The following IDE variants were observed in gnomAD, a reference collection of about 807,000 sequenced individuals.
IDE encodes insulin degrading enzyme, also known as insulin-degrading enzyme.
In IDE, 58 loss-of-function variants were observed where a neutral mutation model predicts 133.2. That is an observed-to-expected ratio of 0.44 (90% confidence interval 0.35 to 0.54). The LOEUF (loss-of-function observed/expected upper bound fraction) is 0.54, where lower values mean the gene tolerates loss of function less well. IDE is among the 20% of genes least tolerant of loss of function. The probability of loss-of-function intolerance (pLI) is 0.00; values close to 1 mark genes in which losing one functional copy is unlikely to be tolerated. For synonymous variants in IDE, 396 were observed against 421.3 expected (o/e 0.94, Z 0.73); for missense variants, 981 against 1,234.0 (o/e 0.79, Z 3.07).
chr10:92,524,332 A>C, intron 4 of IDE, among the ~76,000 whole-genome samples: 1 of 73,876 alleles, frequency 1.4e-5, no homozygotes, highest in Non-Finnish European at 2.4e-5. Context: ...ATATTATTAT[A>C]TATATTATAT....
At chr10:92,535,303 C>T (rs1301956595) in intron 2 of IDE, among the ~76,000 whole-genome samples, 1 of 152,106 alleles carries the variant, frequency 6.6e-6, no homozygotes, top group African/African-American at 2.4e-5. Context: ...CGGGGTTTCA[C>T]CGTGTTAGCC....
In IDE at chr10:92,504,810, TGA is replaced by T. The variant is rs753329397; in HGVS notation, c.1412_1413del (p.Leu471GlnfsTer12). 6.3e-6 allele frequency: 10 copies of T among 1,580,782 alleles called. No individual in the cohort carries two copies. The highest frequency in any genetic ancestry group is 8.7e-7 in the Non-Finnish European group (1 of 1,153,330). Reference protein sequence around the residue: ...PDLIEMVLDKLRPENVRVAIV... With the variant: ...PDLIEMVLDKXRPENVRVAIV... ...GTGACTCACCGGACATTTTCTGGTC[TGA>T]GTTTATCGAGAACCATCTCTATTAA... On this transcript the variant is annotated frameshift_variant, in exon 11 of 25. Transcript: ENST00000265986. LOFTEE classifies it high-confidence loss of function.
chr10:92,534,728 A>G lies in IDE; in HGVS notation c.341T>C (p.Leu114Pro), dbSNP rs1841902402. 6.2e-7 allele frequency: 1 copy of G among 1,613,860 alleles called. No individual in the cohort carries two copies. Among genetic ancestry groups the G allele is most frequent in the African/African-American group, 1.3e-5 (1 of 74,936 alleles). Reference sequence around the variant, plus strand: ...AGGGTATTTCTTTGTTCCCAAAAAAAGCATATGTTCACAAAAATGACTTAA... The same window carrying G: ...AGGGTATTTCTTTGTTCCCAAAAAAGGCATATGTTCACAAAAATGACTTAA... ...AGLSHFCEHM[L>P]FLGTKKYPKE... Residue 114 changes from leucine (L) to proline (P), a missense_variant, in exon 3 of 25, where the codon CTT becomes CCT. Leu to Pro is a moderately conservative substitution (Grantham distance 98, BLOSUM62 -3). Transcript: ENST00000265986.
At chr10:92,545,188 C>G (rs894072426) in intron 1 of IDE, among the ~76,000 whole-genome samples, 1 of 152,106 alleles carries the variant, frequency 6.6e-6, no homozygotes, top group Non-Finnish European at 1.5e-5. Flanking sequence ...CGCCCTCCCC[C>G]ACCAACACGA....
At chr10:92,546,915 C>T (rs539050720) in intron 1 of IDE, among the ~76,000 whole-genome samples, 3 of 152,306 alleles carry the variant, frequency 2.0e-5, no homozygotes, top group South Asian at 2.1e-4. Flanking sequence ...ACTTCTAATT[C>T]AGGATTTGAA....
chr10:92,525,753 A>G (rs1589476996), intron 4 of IDE, among the ~76,000 whole-genome samples: 4 of 8,924 alleles, frequency 4.5e-4, no homozygotes, highest in East Asian at 2.9e-3. Flanking sequence ...GAACAATCTG[A>G]AAAAAAAAAA....
At position 92,558,061 on chromosome 10, in the gene IDE, CT is replaced by C. The variant is rs895730003; in HGVS notation, c.98+15860del. ...CAGCTAAATAATTAAACAATACAAC[CT>C]TTTTTTTGAGATAGTGTTTTGCTCT... On this transcript the variant is annotated intron_variant, in intron 1 of 24. Coordinates refer to ENST00000265986, the MANE Select transcript of IDE (RefSeq NM_004969.4). Among the ~76,000 whole-genome samples, 528 of 151,732 alleles carry C rather than the reference CT, an allele frequency of 3.5e-3. 2 individuals carry two copies. Among genetic ancestry groups the C allele is most frequent in the African/African-American group, 0.012 (503 of 41,394 alleles).
chr10:92,565,070 A>AC (rs1353533058), intron 1 of IDE, among the ~76,000 whole-genome samples: 2 of 151,792 alleles, frequency 1.3e-5, no homozygotes, highest in African/African-American at 2.4e-5. Context: ...ACATGGTGAA[A>AC]CCCCATCTCT....
intron 11 of IDE, among the ~76,000 whole-genome samples, chr10:92,496,518 G>A (rs1847710679): frequency 6.6e-6 from 1 of 152,316 alleles, no homozygotes; most frequent in Non-Finnish European, 1.5e-5. Context: ...AGGTGTGGTG[G>A]CTCATGCCTG....
intron 11 of IDE, among the ~76,000 whole-genome samples, chr10:92,500,227 A>G (rs1463113902): frequency 6.6e-6 from 1 of 151,146 alleles, no homozygotes; most frequent in African/African-American, 2.4e-5. Flanking sequence ...AACTCGGGAG[A>G]TGGAGGTTTC....
rs1465021964 is a variant in IDE at position 92,490,560 on chromosome 10, G to A, written c.1466C>T (p.Thr489Ile). The A allele has an allele frequency of 1.9e-6, 3 of 1,612,834 alleles. No individual in the cohort carries two copies. Among genetic ancestry groups the A allele is most frequent in the Admixed American group, 3.3e-5 (2 of 59,968 alleles). The change falls in exon 12 of 25, where the codon ACT becomes ATT. Residue 489 changes from threonine (T) to isoleucine (I), a missense_variant. Physicochemically the swap from Thr to Ile is moderately conservative, Grantham distance 89. Transcript: ENST00000265986. ...AIVSKSFEGK[T>I]DRTEEWYGTQ... ...TCCATACCACTCTTCTGTGCGATCA[G>A]TTTTTCCTTCAAAAGATTTAGAAAC... is the stretch of plus-strand genomic sequence containing the variant.
intron 16 of IDE, among the ~76,000 whole-genome samples, 197 bp downstream of exon 16, chr10:92,475,687 T>G (rs1303821737): frequency 6.6e-6 from 1 of 151,892 alleles, no homozygotes; most frequent in Non-Finnish European, 1.5e-5. Flanking sequence ...AGAGGCCAGG[T>G]GTCCACCAGA....
In IDE at chr10:92,470,252, A is replaced by C. The variant is rs764139025; in HGVS notation, c.2208+2T>G. The C allele has an allele frequency of 1.3e-6, 2 of 1,592,494 alleles. No homozygotes were observed. The highest frequency in any genetic ancestry group is 1.1e-5 in the South Asian group (1 of 87,612). On this transcript the variant is annotated splice_donor_variant, in intron 18 of 24. Coordinates refer to ENST00000265986, the MANE Select transcript of IDE (RefSeq NM_004969.4). LOFTEE classifies it high-confidence loss of function. ...AAGATTGCTAAAACCTCAACCACCC[A>C]CCTGCTTTGTTATGTTTCCATGGAG...
At chr10:92,536,446 C>A (rs1230418651) in intron 2 of IDE, among the ~76,000 whole-genome samples, 1 of 150,664 alleles carries the variant, frequency 6.6e-6, no homozygotes, top group African/African-American at 2.4e-5. Context: ...CGCCTGTAAT[C>A]CCTGCACTTT....
chr10:92,559,337 T>C (rs1843168176), intron 1 of IDE: 1 of 152,226 alleles, frequency 6.6e-6, no homozygotes, highest in African/African-American at 2.4e-5. Flanking sequence ...CAAAGCAGTA[T>C]TATTCATTAT....
intron 1 of IDE, chr10:92,559,050 G>C (rs1336236996): frequency 6.6e-6 from 1 of 151,886 alleles, no homozygotes; most frequent in Non-Finnish European, 1.5e-5. Context: ...TCAGGAAAAT[G>C]AAAGTCAAAA....
At chr10:92,454,607 T>C (rs1432509476) in intron 24 of IDE, 68 bp from the exon 25 acceptor site, 2 of 1,161,148 alleles carry the variant, frequency 1.7e-6, no homozygotes, top group South Asian at 1.2e-5. Flanking sequence ...TCAACTTTTT[T>C]TGGCGGACAC....
At chr10:92,537,763 A>G (rs1379098719) in intron 1 of IDE, among the ~76,000 whole-genome samples, 1 of 152,156 alleles carries the variant, frequency 6.6e-6, no homozygotes, top group East Asian at 1.9e-4. Context: ...TCATGGAGCC[A>G]TATTTGTATC....
chr10:92,479,165 T>A, intron 15 of IDE, 112 bp downstream of exon 15: 1 of 675,356 alleles, frequency 1.5e-6, no homozygotes, highest in Non-Finnish European at 2.4e-6. Flanking sequence ...TGATTAGCCA[T>A]AAAGATTAAA....
Sources: gnomAD v4.1 joint callset for allele counts (sites outside exome capture counted in the v4.1 genomes callset) on GRCh38, gnomAD v4.1.1 for gene constraint, MANE v1.5 for transcripts, NCBI Gene and HGNC (gene_info 2026-07-23, HGNC 2026-07-21) for gene names.